CTNND1: variants seen among roughly 807,000 people sequenced by gnomAD.
CTNND1 encodes catenin delta 1.
In CTNND1, 16 loss-of-function variants were observed where a neutral mutation model predicts 112.1. The observed-to-expected ratio is 0.14, with a 90% CI of 0.10 to 0.22. The LOEUF (loss-of-function observed/expected upper bound fraction) is 0.22, where lower values mean the gene tolerates loss of function less well. Among genes scored for constraint, CTNND1 ranks in the 10% least tolerant of loss-of-function variants. CTNND1 has a pLI of 1.00. For synonymous variants in CTNND1, 420 were observed against 446.5 expected, an observed-to-expected ratio of 0.94 and a Z score of 0.75; for missense variants, 1,008 against 1,257.0, an observed-to-expected ratio of 0.80 and a Z score of 3.00.
intron 7 of CTNND1, among the ~76,000 whole-genome samples, chr11:57,802,787 T>G (rs1243482454): frequency 1.3e-5 from 2 of 152,244 alleles, no homozygotes; most frequent in East Asian, 3.8e-4. Flanking sequence ...TTGTGGAGCA[T>G]AATCAGCATT....
intron 1 of CTNND1, among the ~76,000 whole-genome samples, chr11:57,786,683 C>A (rs145949368): frequency 9.2e-5 from 14 of 152,042 alleles, no homozygotes; most frequent in Non-Finnish European, 2.1e-4. Flanking sequence ...AATCTTTTTT[C>A]CTTAAGTCTC....
intron 6 of CTNND1, among the ~76,000 whole-genome samples, chr11:57,798,204 G>A (rs903645663): frequency 4.0e-5 from 6 of 151,658 alleles, no homozygotes; most frequent in African/African-American, 9.7e-5. Context: ...AAAATTAGCC[G>A]GGTGTTGTGG....
intron 6 of CTNND1, 140 bp downstream of exon 6, chr11:57,797,132 C>T: frequency 5.2e-6 from 3 of 573,684 alleles, no homozygotes; most frequent in Non-Finnish European, 7.9e-6. Context: ...GGGTGAAAAG[C>T]TACCCTGTTT....
chr11:57,804,789 TG>T lies in CTNND1; in HGVS notation c.1722+10del. On this transcript the variant is annotated intron_variant, in intron 9 of 20. Coordinates refer to ENST00000399050, the MANE Select transcript of CTNND1 (RefSeq NM_001085458.2). ...AGGATTCAGACAGCAAGGTAAGTGC[TG>T]TCTTACCTTTAATGGCTGAGTGAAT... 6.3e-7 allele frequency: 1 copy of T among 1,584,314 alleles called. No homozygotes were observed. The highest frequency in any genetic ancestry group is 1.3e-5 in the African/African-American group (1 of 74,552).
intron 8 of CTNND1, 103 bp from the exon 9 acceptor site, chr11:57,804,560 C>T: frequency 2.4e-6 from 2 of 833,214 alleles, no homozygotes; most frequent in Middle Eastern, 2.3e-4. Context: ...TTTACTATTA[C>T]AGTGAGTAGA....
intron 1 of CTNND1, among the ~76,000 whole-genome samples, chr11:57,767,618 C>T (rs1305482388): frequency 6.6e-6 from 1 of 151,786 alleles, no homozygotes; most frequent in African/African-American, 2.4e-5. Context: ...AACATGTAAC[C>T]TAGGGCAAAT....
chr11:57,799,425 TC>T (rs1178671056), intron 6 of CTNND1, among the ~76,000 whole-genome samples: 1 of 152,226 alleles, frequency 6.6e-6, no homozygotes, highest in Middle Eastern at 3.2e-3. Context: ...TTGGGTTTGT[TC>T]CAGGGTAGCA....
chr11:57,815,701 CT>C, intron 19 of CTNND1: 1 of 783,878 alleles, frequency 1.3e-6, no homozygotes, highest in Non-Finnish European at 2.3e-6. Flanking sequence ...GGAAGCATGT[CT>C]GTAAAAGTGT....
intron 1 of CTNND1, among the ~76,000 whole-genome samples, chr11:57,779,261 G>GTA (rs2059326901): frequency 6.6e-6 from 1 of 152,156 alleles, no homozygotes; most frequent in Non-Finnish European, 1.5e-5. Context: ...AGTATTAAGA[G>GTA]TTACTAGCAA....
chr11:57,788,421 CAGG>C lies in CTNND1; in HGVS notation c.-213-613_-213-611del, dbSNP rs1174596620. Reference sequence around the variant, plus strand: ...TTTAAACTTAGGGACTGGATTGATTCAGGAGTTTATTGGACACTTACTTATCAG... The same window carrying C: ...TTTAAACTTAGGGACTGGATTGATTCAGTTTATTGGACACTTACTTATCAG... On this transcript the variant is annotated intron_variant, in intron 1 of 20. Transcript: ENST00000399050. The surrounding 1 kb of genome is among the most constrained non-coding windows in gnomAD (Gnocchi z 4.1). Among the ~76,000 whole-genome samples the C allele has an allele frequency of 3.9e-5, 6 of 152,198 alleles. No individual in the cohort carries two copies. The highest frequency in any genetic ancestry group is 5.9e-5 in the Non-Finnish European group (4 of 68,002).
At chr11:57,794,178 A>C (rs1242433746) in intron 4 of CTNND1, 97 bp downstream of exon 4, 1 of 1,021,764 alleles carries the variant, frequency 9.8e-7, no homozygotes, top group African/African-American at 1.6e-5. Context: ...TGCCTGGCAC[A>C]TTGTACATAC....
At chr11:57,774,824 G>A (rs531187465) in intron 1 of CTNND1, among the ~76,000 whole-genome samples, 1 of 151,868 alleles carries the variant, frequency 6.6e-6, no homozygotes, top group Non-Finnish European at 1.5e-5. Context: ...AGTGATTCTC[G>A]TGCCTTAGCC....
intron 5 of CTNND1, 78 bp from the exon 6 acceptor site, chr11:57,796,379 T>A (rs1435102308): frequency 1.6e-5 from 21 of 1,338,144 alleles, no homozygotes; most frequent in Non-Finnish European, 2.1e-5. Flanking sequence ...AGTGCAAGAC[T>A]CCATCTCAAA....
At chr11:57,801,628 T>G in intron 6 of CTNND1, 105 bp from the exon 7 acceptor site, 1 of 893,716 alleles carries the variant, frequency 1.1e-6, no homozygotes, top group Non-Finnish European at 1.7e-6. Flanking sequence ...ATGAGCACAC[T>G]GAAACTCCAG....
intron 1 of CTNND1, among the ~76,000 whole-genome samples, chr11:57,773,609 G>A (rs913017057): frequency 7.3e-5 from 11 of 151,166 alleles, no homozygotes; most frequent in African/African-American, 1.5e-4. Flanking sequence ...ATGCCACCAC[G>A]CCTGGCTATG....
At chr11:57,799,738 T>A (rs1019297134) in intron 6 of CTNND1, among the ~76,000 whole-genome samples, 15 of 152,222 alleles carry the variant, frequency 9.9e-5, no homozygotes. Context: ...ATGGTAATTG[T>A]TCTTATAATT....
At position 57,816,619 on chromosome 11, in the gene CTNND1, G is replaced by A; in HGVS notation, c.*311G>A. ...TTGCCAGTTTTCCCTGGAACTCCTG[G>A]CCTTTTGTGGAGGGGAGGGATGGAG... On this transcript the variant is annotated 3_prime_UTR_variant, in exon 21 of 21. Transcript: ENST00000399050. The A allele has an allele frequency of 2.2e-6, 1 of 460,256 alleles. No homozygotes were observed. Among genetic ancestry groups the A allele is most frequent in the Non-Finnish European group, 3.9e-6 (1 of 253,674 alleles). The allele number at this position is 460,256 out of a possible 1,614,324, so 28.5% of individuals were successfully genotyped here.
chr11:57,796,899 G>C lies in CTNND1; in HGVS notation c.863G>C (p.Ser288Thr). The change falls in exon 6 of 21, where the codon AGT (serine) becomes ACT (threonine). Residue 288 changes from serine to threonine, a missense_variant. Ser to Thr is a moderately conservative substitution (Grantham distance 58). Transcript: ENST00000399050. ...EPYGLEDDQR[S>T]MGYDDLDYGM... The stretch of plus-strand genomic sequence containing the variant: ...TATGGGCTAGAGGATGACCAGCGTA[G>C]TATGGGCTATGATGACCTGGATTAT... 4 of 1,602,946 alleles carry C rather than the reference G, an allele frequency of 2.5e-6. No individual in the cohort carries two copies. The highest frequency in any genetic ancestry group is 2.6e-6 in the Non-Finnish European group (3 of 1,172,666).
rs201654277 is a variant in CTNND1, at chr11:57,796,878, G to T, written c.842G>T (p.Gly281Val). 100 of 1,610,018 alleles carry T rather than the reference G, an allele frequency of 6.2e-5. No individual in the cohort carries two copies. The highest frequency in any genetic ancestry group is 7.7e-5 in the Non-Finnish European group (91 of 1,177,166). ...DLHRFHPEPYGLEDDQRSMGY... is the reference protein window; with the variant it reads ...DLHRFHPEPYVLEDDQRSMGY... ...CATCGCTTTCATCCAGAGCCTTATG[G>T]GCTAGAGGATGACCAGCGTAGTATG... Residue 281 changes from glycine to valine, a missense_variant, in exon 6 of 21, where the codon GGG (glycine) becomes GTG (valine). This residue lies in a region of CTNND1 where 404 missense variants were observed against 457.9 expected (regional missense o/e 0.88). Transcript: ENST00000399050.
Sources: gnomAD v4.1 joint callset for allele counts (sites outside exome capture counted in the v4.1 genomes callset) on GRCh38, gnomAD v4.1.1 for gene constraint, gnomAD v4.1.1 regional missense constraint, Gnocchi (gnomAD v3.1) non-coding constraint, MANE v1.5 for transcripts, NCBI Gene and HGNC (gene_info 2026-07-23, HGNC 2026-07-21) for gene names.